The following DAPK1 variants were observed in gnomAD, a reference collection of about 807,000 sequenced individuals.
DAPK1 encodes death associated protein kinase 1, also known as death-associated protein kinase 1.
A neutral mutation model predicts 144.9 loss-of-function variants in DAPK1; 56 were observed. That is an observed-to-expected ratio of 0.39 (90% confidence interval 0.31 to 0.48). The LOEUF is 0.48. Among genes scored for constraint, DAPK1 ranks in the 20% least tolerant of loss-of-function variants. DAPK1 has a pLI of 0.95. For synonymous variants in DAPK1, 690 were observed against 749.0 expected (o/e 0.92, Z 1.29); for missense variants, 1,454 against 1,875.4 (o/e 0.78, Z 4.15).
chr9:87,693,443 T>C (rs776595658), intron 21 of DAPK1, among the ~76,000 whole-genome samples: 1 of 152,134 alleles, frequency 6.6e-6, no homozygotes, highest in Non-Finnish European at 1.5e-5. Context: ...TTTGGTAAAC[T>C]TCTCATAATA....
chr9:87,687,618 C>G (rs1824910257), intron 21 of DAPK1, among the ~76,000 whole-genome samples: 1 of 152,118 alleles, frequency 6.6e-6, no homozygotes. Context: ...GCACGTATCC[C>G]TTTGATATAC....
intron 1 of DAPK1, chr9:87,498,416 C>T (rs1395745070): frequency 3.4e-5 from 11 of 319,238 alleles, no homozygotes; most frequent in Admixed American, 5.0e-5. Context: ...GGCGGCCGCA[C>T]GCCGGGTCGG....
At chr9:87,668,546 A>G (rs767875085) in intron 18 of DAPK1, 51 bp from the exon 19 acceptor site, 1 of 923,780 alleles carries the variant, frequency 1.1e-6, no homozygotes, top group South Asian at 1.3e-5. Flanking sequence ...TATGGAACAC[A>G]CACAGCTCTC....
chr9:87,583,261 CAT>C (rs1202472075), intron 2 of DAPK1, among the ~76,000 whole-genome samples: 6 of 152,200 alleles, frequency 3.9e-5, no homozygotes, highest in East Asian at 1.9e-4. Context: ...ATGCCTGACA[CAT>C]GAGTGTTCAA....
intron 2 of DAPK1, among the ~76,000 whole-genome samples, chr9:87,526,858 A>G (rs1466223365): frequency 6.6e-6 from 1 of 152,184 alleles, no homozygotes; most frequent in Non-Finnish European, 1.5e-5. Flanking sequence ...GTTGATGCCA[A>G]TTAGACATGT....
At chr9:87,600,498 T>G (rs1828477375) in intron 2 of DAPK1, among the ~76,000 whole-genome samples, 1 of 151,816 alleles carries the variant, frequency 6.6e-6, no homozygotes, top group African/African-American at 2.4e-5. Context: ...GAGGCCAAGG[T>G]GGGAGGATTG....
intron 2 of DAPK1, among the ~76,000 whole-genome samples, chr9:87,584,662 C>A (rs1052066146): frequency 1.3e-5 from 1 of 75,398 alleles, no homozygotes; most frequent in Non-Finnish European, 2.6e-5. Context: ...AATGATAGCT[C>A]ATTGTGTGTG....
chr9:87,643,770 G>A (rs1830177420), intron 11 of DAPK1, among the ~76,000 whole-genome samples: 5 of 151,884 alleles, frequency 3.3e-5, no homozygotes. Context: ...ATACACACAT[G>A]CACAGCAAAT....
chr9:87,680,185 A>G (rs375175782), intron 19 of DAPK1, among the ~76,000 whole-genome samples: 7 of 152,066 alleles, frequency 4.6e-5, no homozygotes, highest in African/African-American at 9.6e-5. Context: ...GCTCACTGCA[A>G]GCTCCACCTC....
intron 2 of DAPK1, among the ~76,000 whole-genome samples, chr9:87,586,593 A>G (rs917737811): frequency 6.6e-6 from 1 of 152,068 alleles, no homozygotes; most frequent in Non-Finnish European, 1.5e-5. Context: ...ACATTAATGT[A>G]TATCAAGTCA....
Position 87,646,579 on chromosome 9 carries a change from A to G in DAPK1, c.1230+20A>G, listed in dbSNP as rs370154131. 1 of 1,575,006 alleles carries G rather than the reference A, an allele frequency of 6.3e-7. No individual in the cohort carries two copies. Among genetic ancestry groups the G allele is most frequent in the Non-Finnish European group, 8.7e-7 (1 of 1,145,852 alleles). ...GATAAGGTCATAATTGTTTTATTGA[A>G]ATGAATTGAATTTTAAAGTATTTTC... On this transcript the variant is annotated intron_variant, in intron 13 of 25. Transcript: ENST00000408954.
chr9:87,515,314 A>G (rs1179103153), intron 2 of DAPK1, among the ~76,000 whole-genome samples: 4 of 152,202 alleles, frequency 2.6e-5, no homozygotes, highest in Admixed American at 1.3e-4. Flanking sequence ...AAAACAGGCA[A>G]TGGTCTGGAT....
At chr9:87,541,744 C>T (rs1314022315) in intron 2 of DAPK1, among the ~76,000 whole-genome samples, 2 of 152,100 alleles carry the variant, frequency 1.3e-5, no homozygotes, top group Non-Finnish European at 2.9e-5. Context: ...CTCAAAGATA[C>T]GTTTTCATGA....
At chr9:87,600,878 G>T (rs1307665819) in intron 2 of DAPK1, among the ~76,000 whole-genome samples, 1 of 152,230 alleles carries the variant, frequency 6.6e-6, no homozygotes, top group Non-Finnish European at 1.5e-5. Context: ...CGTGGTTGTG[G>T]CAGTGGCCTT....
At chr9:87,510,211 G>A (rs959429478) in intron 2 of DAPK1, among the ~76,000 whole-genome samples, 8 of 152,146 alleles carry the variant, frequency 5.3e-5, no homozygotes, top group Non-Finnish European at 1.2e-4. Context: ...GGAGCAGACA[G>A]GGTAATGTCA....
chr9:87,605,436 T>A (rs911202174), intron 3 of DAPK1, among the ~76,000 whole-genome samples: 1 of 152,194 alleles, frequency 6.6e-6, no homozygotes, highest in African/African-American at 2.4e-5. Context: ...GTTCACCACT[T>A]TCTGGGGTTC....
At chr9:87,605,893 A>T (rs2118964513) in intron 3 of DAPK1, among the ~76,000 whole-genome samples, 1 of 152,138 alleles carries the variant, frequency 6.6e-6, no homozygotes, top group Non-Finnish European at 1.5e-5. Context: ...TGCTGGCGAG[A>T]GAGGACAGGA....
Position 87,697,088 on chromosome 9 carries a change from C to A in DAPK1, c.2495C>A (p.Pro832His). The A allele has an allele frequency of 1.3e-6, 2 of 1,555,944 alleles. No individual in the cohort carries two copies. The highest frequency in any genetic ancestry group is 1.8e-6 in the Non-Finnish European group (2 of 1,126,888). The change falls in exon 22 of 26, where the codon CCC (proline) becomes CAC (histidine). Residue 832 changes from proline to histidine, a missense_variant. This residue lies in a region of DAPK1 where 1,025 missense variants were observed against 1,237.9 expected (regional missense o/e 0.83). Coordinates refer to ENST00000408954, the MANE Select transcript of DAPK1 (RefSeq NM_004938.4). ...TATGACTATTTTGCTGCAAATGATC[C>A]CACGTCAATCCATGTTGTTGTCTTT... is the stretch of plus-strand genomic sequence containing the variant. ...CCYDYFAAND[P>H]TSIHVVVFSL...
intron 2 of DAPK1, among the ~76,000 whole-genome samples, chr9:87,529,662 C>T (rs143035208): frequency 1.3e-5 from 2 of 152,298 alleles, no homozygotes; most frequent in Admixed American, 6.5e-5. Context: ...CAGGAGGGGA[C>T]AGAGCTTTAA....
Sources: allele counts gnomAD v4.1 joint callset (sites outside exome capture counted in the v4.1 genomes callset), GRCh38; gene constraint gnomAD v4.1.1; regional missense constraint gnomAD v4.1.1; transcripts MANE v1.5; gene names NCBI Gene and HGNC (gene_info 2026-07-23, HGNC 2026-07-21).